KSR2: variants seen among roughly 807,000 people sequenced by gnomAD.
KSR2 encodes the protein kinase suppressor of ras 2.
In KSR2, 25 loss-of-function variants were observed where a neutral mutation model predicts 107.8. The ratio of observed to expected loss-of-function variants is 0.23; its 90% CI spans 0.17 to 0.32. The LOEUF (loss-of-function observed/expected upper bound fraction) is 0.32, where lower values mean the gene tolerates loss of function less well. Among genes scored for constraint, KSR2 ranks in the 10% least tolerant of loss-of-function variants. The pLI is 1.00. For synonymous variants in KSR2, 480 were observed against 507.0 expected (o/e 0.95, Z 0.71); for missense variants, 887 against 1,268.9 (o/e 0.70, Z 4.57).
chr12:117,559,042 G>C (rs1386825191), intron 7 of KSR2, among the ~76,000 whole-genome samples: 3 of 19,672 alleles, frequency 1.5e-4, no homozygotes, highest in Non-Finnish European at 3.4e-4. Context: ...ATGGATGGAA[G>C]GATGGATGGA....
chr12:117,462,108 A>G lies in KSR2; in HGVS notation c.*5091T>C, dbSNP rs1029142300. On this transcript the variant is annotated 3_prime_UTR_variant, in exon 20 of 20. Transcript: ENST00000339824. ...CAAGCTTGGTAAGCATGACAGCAAC[A>G]GCCTGACCTTGTAGACCAGGAATTC... 5 of 152,076 alleles carry G rather than the reference A, an allele frequency of 3.3e-5. No homozygotes were observed. The highest frequency in any genetic ancestry group is 1.2e-4 in the African/African-American group (5 of 41,382). 9.4% of individuals were successfully genotyped at this position (152,076 alleles called of 1,614,324 possible).
intron 1 of KSR2, among the ~76,000 whole-genome samples, chr12:117,958,778 G>A (rs1896584368): frequency 1.3e-5 from 2 of 152,120 alleles, no homozygotes; most frequent in Admixed American, 6.6e-5. Context: ...CGGAGATCAC[G>A]CCACTGCGCT....
At chr12:117,848,495 T>C (rs1469609283) in intron 3 of KSR2, among the ~76,000 whole-genome samples, 1 of 152,196 alleles carries the variant, frequency 6.6e-6, no homozygotes, top group Non-Finnish European at 1.5e-5. Context: ...AGGTTTTGCC[T>C]CTATTTTTGT....
At chr12:117,662,565 A>G in intron 5 of KSR2, among the ~76,000 whole-genome samples, 1 of 152,282 alleles carries the variant, frequency 6.6e-6, no homozygotes, top group East Asian at 1.9e-4. Flanking sequence ...AGTTGCTTAG[A>G]GTAGGGATGA....
intron 2 of KSR2, among the ~76,000 whole-genome samples, chr12:117,855,888 C>G (rs766285639): frequency 1.3e-5 from 2 of 152,074 alleles, no homozygotes; most frequent in Non-Finnish European, 2.9e-5. Flanking sequence ...GCCTGTCTCT[C>G]GAATGTTTAT....
chr12:117,693,887 G>A (rs76234752), intron 4 of KSR2, among the ~76,000 whole-genome samples: 3,078 of 152,252 alleles, frequency 0.02, 96 homozygotes, highest in African/African-American at 0.07. Context: ...ATGCTCTGAC[G>A]CCTATGCCCT....
intron 9 of KSR2, among the ~76,000 whole-genome samples, chr12:117,543,389 C>T (rs945294821): frequency 2.6e-5 from 4 of 152,154 alleles, no homozygotes; most frequent in Non-Finnish European, 5.9e-5. Context: ...AACATCTTTT[C>T]GTGTGCTTAC....
chr12:117,702,591 G>A lies in KSR2; in HGVS notation c.987-34933C>T, dbSNP rs1463535236. Among the ~76,000 whole-genome samples, 3 of 152,186 alleles carry A rather than the reference G, an allele frequency of 2.0e-5. No individual in the cohort carries two copies. In the East Asian group the frequency reaches 5.8e-4, roughly 29 times the overall value. On this transcript the variant is annotated intron_variant, in intron 4 of 19. Transcript: ENST00000339824. ...CATAAACCATATCAAAGTTTTCAGA[G>A]ACAACTTCAGTGCCTATGGATGGTG...
chr12:117,602,167 T>C (rs931289240), intron 5 of KSR2, among the ~76,000 whole-genome samples: 9 of 152,262 alleles, frequency 5.9e-5, no homozygotes, highest in African/African-American at 2.2e-4. Context: ...AACCTACTCT[T>C]AGCTTGTGGT....
chr12:117,712,926 T>C (rs1472251728), intron 4 of KSR2, among the ~76,000 whole-genome samples: 1 of 151,924 alleles, frequency 6.6e-6, no homozygotes, highest in Non-Finnish European at 1.5e-5. Flanking sequence ...AGAAGCAAGA[T>C]ACAGATATAT....
intron 1 of KSR2, among the ~76,000 whole-genome samples, chr12:117,878,527 C>A (rs1244441410): frequency 3.3e-5 from 5 of 152,030 alleles, no homozygotes; most frequent in African/African-American, 1.2e-4. Flanking sequence ...GGAGGCAAGG[C>A]TAGGAGGAGG....
At chr12:117,920,993 G>C (rs542751021) in intron 1 of KSR2, among the ~76,000 whole-genome samples, 1 of 152,304 alleles carries the variant, frequency 6.6e-6, no homozygotes, top group East Asian at 1.9e-4. Flanking sequence ...CTTGATACTA[G>C]TATTTTATCT....
intron 3 of KSR2, among the ~76,000 whole-genome samples, chr12:117,823,077 T>C (rs906357230): frequency 6.0e-5 from 9 of 150,222 alleles, no homozygotes; most frequent in African/African-American, 1.2e-4. Flanking sequence ...GGCTACAATA[T>C]ATGCAAAGGT....
intron 5 of KSR2, among the ~76,000 whole-genome samples, chr12:117,604,663 G>A (rs1183942227): frequency 6.6e-6 from 1 of 152,128 alleles, no homozygotes; most frequent in African/African-American, 2.4e-5. Flanking sequence ...AAGCAGAGAT[G>A]CAGGTAATTG....
chr12:117,833,982 A>G (rs1368546828), intron 3 of KSR2, among the ~76,000 whole-genome samples: 2 of 151,126 alleles, frequency 1.3e-5, no homozygotes, highest in Non-Finnish European at 1.5e-5. Flanking sequence ...AAAAATTTTC[A>G]TTAAAAAAAT....
At chr12:117,760,981 C>G (rs367806779) in intron 4 of KSR2, 30 bp downstream of exon 4, 3 of 1,611,424 alleles carry the variant, frequency 1.9e-6, no homozygotes, top group African/African-American at 2.7e-5. Context: ...GGGTTTCGAC[C>G]GCCCCAGGGC....
chr12:117,791,104 C>A, intron 3 of KSR2, among the ~76,000 whole-genome samples: 1 of 152,194 alleles, frequency 6.6e-6, no homozygotes, highest in East Asian at 1.9e-4. Context: ...ACATCTCTCC[C>A]ACCTCACCCA....
intron 3 of KSR2, among the ~76,000 whole-genome samples, chr12:117,814,943 A>T (rs1208655084): frequency 6.6e-6 from 1 of 152,170 alleles, no homozygotes; most frequent in Non-Finnish European, 1.5e-5. Flanking sequence ...ATAAATCAAT[A>T]AAAAAACAAA....
intron 5 of KSR2, among the ~76,000 whole-genome samples, chr12:117,594,199 G>A (rs1161503412): frequency 6.6e-6 from 1 of 152,194 alleles, no homozygotes; most frequent in South Asian, 2.1e-4. Flanking sequence ...ACAAAGGGCT[G>A]CTGAGAAGTT....
Sources: gnomAD v4.1 joint callset for allele counts (sites outside exome capture counted in the v4.1 genomes callset) on GRCh38, gnomAD v4.1.1 for gene constraint, MANE v1.5 for transcripts, NCBI Gene and HGNC (gene_info 2026-07-23, HGNC 2026-07-21) for gene names.